Variants in SPTLC3 observed in about 807,000 individuals in gnomAD.
SPTLC3 encodes the protein serine palmitoyltransferase long chain base subunit 3, also known as serine palmitoyltransferase 3.
Under a neutral mutation model 59.3 loss-of-function variants are expected in SPTLC3, and 36 were observed. The ratio of observed to expected loss-of-function variants is 0.61; its 90% CI spans 0.47 to 0.80. SPTLC3 has a LOEUF of 0.80. Ranked by LOEUF, SPTLC3 falls within the 30% of genes least tolerant of loss-of-function variation. The pLI is 0.00. For missense variants in SPTLC3, 625 were observed against 685.1 expected (o/e 0.91, Z 0.98); for synonymous variants, 257 against 240.8 (o/e 1.07, Z -0.62).
At chr20:13,024,334 A>G (rs1986040856) in intron 1 of SPTLC3, among the ~76,000 whole-genome samples, 2 of 152,234 alleles carry the variant, frequency 1.3e-5, no homozygotes, top group East Asian at 3.9e-4. Flanking sequence ...ATTCTAAATA[A>G]ATATTCATAT....
At chr20:13,105,542 T>C (rs1989842045) in intron 6 of SPTLC3, among the ~76,000 whole-genome samples, 1 of 152,228 alleles carries the variant, frequency 6.6e-6, no homozygotes, top group African/African-American at 2.4e-5. Context: ...TGGTGTTCAT[T>C]TTAAAATTCT....
intron 9 of SPTLC3, among the ~76,000 whole-genome samples, chr20:13,148,209 G>A (rs1171431554): frequency 6.6e-6 from 1 of 152,190 alleles, no homozygotes; most frequent in Non-Finnish European, 1.5e-5. Flanking sequence ...GCAAAGCTTT[G>A]TAGTAAGAGG....
intron 9 of SPTLC3, among the ~76,000 whole-genome samples, chr20:13,144,763 G>C (rs1451734427): frequency 6.6e-6 from 1 of 152,082 alleles, no homozygotes; most frequent in Non-Finnish European, 1.5e-5. Flanking sequence ...ATGTGTGTGT[G>C]TGTGTATATA....
At position 13,168,808 on chromosome 20, in the gene SPTLC3, T is replaced by C. The variant is rs780352725; in HGVS notation, c.*3941T>C. ...GCAATGTTTCCTGGTCTCAAAACAG[T>C]AAGAACAATTTGAAGTCTGTTCTTT... On this transcript the variant is annotated 3_prime_UTR_variant, in exon 12 of 12. Coordinates refer to ENST00000399002, the MANE Select transcript of SPTLC3 (RefSeq NM_018327.4). The C allele has an allele frequency of 2.0e-5, 3 of 152,204 alleles. No individual in the cohort carries two copies. Among genetic ancestry groups the C allele is most frequent in the Non-Finnish European group, 4.4e-5 (3 of 68,028 alleles). 9.4% of individuals were successfully genotyped at this position (152,204 alleles called of 1,614,324 possible).
intron 8 of SPTLC3, among the ~76,000 whole-genome samples, chr20:13,120,249 T>C (rs760776107): frequency 6.6e-6 from 1 of 152,150 alleles, no homozygotes; most frequent in African/African-American, 2.4e-5. Context: ...AGATAGTTGA[T>C]AGACAGATGA....
intron 4 of SPTLC3, among the ~76,000 whole-genome samples, chr20:13,085,184 A>G (rs1988966170): frequency 6.6e-6 from 1 of 152,066 alleles, no homozygotes; most frequent in South Asian, 2.1e-4. Context: ...TAACTGTATG[A>G]CCTAGACCCA....
intron 1 of SPTLC3, among the ~76,000 whole-genome samples, chr20:13,035,321 A>G (rs1986686140): frequency 6.6e-6 from 1 of 152,158 alleles, no homozygotes; most frequent in South Asian, 2.1e-4. Flanking sequence ...ATTTTACTAT[A>G]AGTTGTCCTA....
intron 1 of SPTLC3, among the ~76,000 whole-genome samples, chr20:13,036,024 A>C (rs1986718614): frequency 6.6e-6 from 1 of 152,154 alleles, no homozygotes; most frequent in Non-Finnish European, 1.5e-5. Context: ...TCTAATTGAC[A>C]TTCCAAAGTA....
At chr20:13,103,601 G>A (rs950522933) in intron 6 of SPTLC3, among the ~76,000 whole-genome samples, 1 of 152,186 alleles carries the variant, frequency 6.6e-6, no homozygotes, top group African/African-American at 2.4e-5. Flanking sequence ...AGTAGTTTTT[G>A]TGGGGTCATG....
At chr20:13,011,722 G>A (rs1985262238) in intron 1 of SPTLC3, among the ~76,000 whole-genome samples, 1 of 150,146 alleles carries the variant, frequency 6.7e-6, no homozygotes, top group Admixed American at 6.7e-5. Context: ...TATGGAGCCT[G>A]ACTATTTTTC....
intron 6 of SPTLC3, 63 bp downstream of exon 6, chr20:13,093,640 T>G (rs776796864): frequency 6.1e-6 from 9 of 1,471,642 alleles, no homozygotes; most frequent in South Asian, 1.2e-5. Context: ...TAAAGATTAT[T>G]GATGAGGCTT....
At chr20:13,135,959 A>G (rs370978211) in intron 9 of SPTLC3, among the ~76,000 whole-genome samples, 2 of 152,368 alleles carry the variant, frequency 1.3e-5, no homozygotes. Context: ...GTGACCAGTA[A>G]TGTCGGAAAG....
chr20:13,025,650 C>G (rs1018185403), intron 1 of SPTLC3, among the ~76,000 whole-genome samples: 1 of 152,184 alleles, frequency 6.6e-6, no homozygotes, highest in Admixed American at 6.5e-5. Context: ...TGCCTTATGT[C>G]CCTCTCTGCC....
At chr20:13,046,960 G>A (rs1987260303) in intron 1 of SPTLC3, among the ~76,000 whole-genome samples, 1 of 152,092 alleles carries the variant, frequency 6.6e-6, no homozygotes, top group Non-Finnish European at 1.5e-5. Context: ...GTAGTGTTTG[G>A]GATGACACAC....
At chr20:13,160,845 G>C (rs565556632) in intron 11 of SPTLC3, among the ~76,000 whole-genome samples, 26 of 152,278 alleles carry the variant, frequency 1.7e-4, no homozygotes, top group African/African-American at 6.3e-4. Flanking sequence ...GAAAACTGTG[G>C]GATCATGAAG....
chr20:13,058,573 G>A (rs925973791), intron 2 of SPTLC3, among the ~76,000 whole-genome samples: 7 of 152,164 alleles, frequency 4.6e-5, no homozygotes, highest in Admixed American at 4.6e-4. Context: ...CCTTGGTAGT[G>A]GGGGGTGAGG....
intron 7 of SPTLC3, among the ~76,000 whole-genome samples, chr20:13,112,137 G>A (rs902803178): frequency 1.3e-5 from 2 of 152,214 alleles, no homozygotes; most frequent in African/African-American, 2.4e-5. Context: ...CCACGCTACC[G>A]TGGGTTGTGT....
intron 11 of SPTLC3, among the ~76,000 whole-genome samples, chr20:13,161,306 T>A (rs1209666983): frequency 6.6e-6 from 1 of 152,140 alleles, no homozygotes; most frequent in Non-Finnish European, 1.5e-5. Flanking sequence ...TAGAATGAGC[T>A]CAGTCCTAGA....
At chr20:13,010,466 C>G (rs908336294) in intron 1 of SPTLC3, among the ~76,000 whole-genome samples, 1 of 152,136 alleles carries the variant, frequency 6.6e-6, no homozygotes, top group African/African-American at 2.4e-5. Context: ...AGCTCTAGAG[C>G]CTGAGTTGTG....
Sources: gnomAD v4.1 joint callset for allele counts (sites outside exome capture counted in the v4.1 genomes callset) on GRCh38, gnomAD v4.1.1 for gene constraint, MANE v1.5 for transcripts, NCBI Gene and HGNC (gene_info 2026-07-23, HGNC 2026-07-21) for gene names.